Variants in LUZP2 observed in about 807,000 individuals in gnomAD.
LUZP2 encodes the protein leucine zipper protein 2.
Under a neutral mutation model 51.6 loss-of-function variants are expected in LUZP2, and 52 were observed. That is an observed-to-expected ratio of 1.01 (90% CI 0.81 to 1.27). The LOEUF is 1.27. LUZP2 is among the 50% of genes most tolerant of loss of function. LUZP2 has a pLI of 0.00. For synonymous variants in LUZP2, 154 were observed against 137.3 expected, an observed-to-expected ratio of 1.12 and a Z score of -0.85; for missense variants, 436 against 395.4, an observed-to-expected ratio of 1.10 and a Z score of -0.87.
intron 1 of LUZP2, among the ~76,000 whole-genome samples, chr11:24,638,309 C>T (rs1855170852): frequency 6.6e-6 from 1 of 150,894 alleles, no homozygotes; most frequent in African/African-American, 2.5e-5. Flanking sequence ...AATTAATTTC[C>T]CCAAATAGAA....
intron 7 of LUZP2, among the ~76,000 whole-genome samples, chr11:24,917,993 T>C (rs1853854687): frequency 6.6e-6 from 1 of 152,134 alleles, no homozygotes; most frequent in African/African-American, 2.4e-5. Context: ...CATTTGTTTG[T>C]GTCCTCTTTT....
Position 24,692,780 on chromosome 11 carries a change from CT to C in LUZP2, c.63-36388del, listed in dbSNP as rs138877098. On this transcript the variant is annotated intron_variant, in intron 1 of 11. Transcript: ENST00000336930. The stretch of plus-strand genomic sequence containing the variant: ...TTGACACAAATTAAACTAAGTGTTA[CT>C]CTTAATTCCTAATTTAGGAGAATAT... Among the ~76,000 whole-genome samples, 343 of 152,062 alleles carry C rather than the reference CT, an allele frequency of 2.3e-3. 10 individuals carry two copies. In the East Asian group the frequency reaches 0.053, roughly 24 times the overall value.
rs1483065779 is a variant in LUZP2 at position 24,883,154 on chromosome 11, G to T, written c.397-22837G>T. Among the ~76,000 whole-genome samples the T allele has an allele frequency of 2.6e-5, 4 of 151,764 alleles. No individual in the cohort carries two copies. The South Asian group carries it at 6.2e-4, about 24-fold the overall frequency. The stretch of plus-strand genomic sequence containing the variant: ...GATTTCCCATGGATTTAACAATGAG[G>T]TCATTATTCAAAGTTAGCAAACGTT... On this transcript the variant is annotated intron_variant, in intron 5 of 11. Transcript: ENST00000336930.
At chr11:24,620,121 A>G (rs185501844) in intron 1 of LUZP2, among the ~76,000 whole-genome samples, 10 of 152,302 alleles carry the variant, frequency 6.6e-5, no homozygotes, top group Admixed American at 5.9e-4. Flanking sequence ...TTAGTCAGTG[A>G]GTCTAAAGCC....
chr11:24,861,004 C>A (rs755711300), intron 5 of LUZP2, among the ~76,000 whole-genome samples: 1 of 152,126 alleles, frequency 6.6e-6, no homozygotes, highest in Admixed American at 6.6e-5. Context: ...TAACAAAGAA[C>A]TATGCTGAGC....
intron 5 of LUZP2, among the ~76,000 whole-genome samples, chr11:24,808,760 T>A (rs1362822890): frequency 6.6e-6 from 1 of 152,148 alleles, no homozygotes; most frequent in East Asian, 1.9e-4. Context: ...TGGAGTCACA[T>A]GTAACAAATC....
chr11:25,062,558 C>G (rs1244862014), intron 10 of LUZP2, among the ~76,000 whole-genome samples: 16 of 129,100 alleles, frequency 1.2e-4, no homozygotes, highest in Admixed American at 8.5e-4. Flanking sequence ...CCAGTGCACT[C>G]CAGCCTATGT....
chr11:24,687,146 T>G (rs758253383), intron 1 of LUZP2, among the ~76,000 whole-genome samples: 5 of 152,202 alleles, frequency 3.3e-5, no homozygotes, highest in Admixed American at 2.0e-4. Flanking sequence ...CTGTTCTTAC[T>G]GTAGTTTTAG....
At chr11:24,875,252 C>T (rs1009048388) in intron 5 of LUZP2, among the ~76,000 whole-genome samples, 7 of 144,260 alleles carry the variant, frequency 4.9e-5, no homozygotes, top group African/African-American at 1.5e-4. Context: ...TCCTTCCCCC[C>T]TCCCCTCACC....
At chr11:25,018,043 T>TTTTTTTTGTTTTG (rs140118006) in intron 9 of LUZP2, among the ~76,000 whole-genome samples, 339 of 30,478 alleles carry the variant, frequency 0.011, 1 homozygote, top group Middle Eastern at 0.058. Flanking sequence ...TTCTGTTTTT[T>TTTTTTTTGTTTTG]TTTTGTTTTT....
At chr11:24,812,990 A>G (rs1271493769) in intron 5 of LUZP2, among the ~76,000 whole-genome samples, 5 of 152,180 alleles carry the variant, frequency 3.3e-5, no homozygotes, top group African/African-American at 9.7e-5. Context: ...TGCCATATGC[A>G]TAGGGGTCAC....
chr11:24,810,863 C>A (rs972050829), intron 5 of LUZP2, among the ~76,000 whole-genome samples: 4 of 152,108 alleles, frequency 2.6e-5, no homozygotes, highest in Non-Finnish European at 2.9e-5. Context: ...ACCGTGTATG[C>A]TCAGTGTCAC....
At chr11:24,967,512 A>T (rs950370015) in intron 7 of LUZP2, among the ~76,000 whole-genome samples, 1 of 151,504 alleles carries the variant, frequency 6.6e-6, no homozygotes, top group African/African-American at 2.4e-5. Context: ...TCCAGTGTAC[A>T]TATGTTGAAG....
chr11:24,715,658 T>TC (rs1858015497), intron 1 of LUZP2, among the ~76,000 whole-genome samples: 1 of 152,190 alleles, frequency 6.6e-6, no homozygotes, highest in African/African-American at 2.4e-5. Context: ...TCCATGAAAT[T>TC]TTCTGTGACT....
chr11:24,705,268 AAAG>A (rs1325633908), intron 1 of LUZP2, among the ~76,000 whole-genome samples: 2 of 152,204 alleles, frequency 1.3e-5, no homozygotes, highest in Non-Finnish European at 1.5e-5. Flanking sequence ...AGAGAAGTGA[AAAG>A]AGAAAAATAG....
chr11:24,786,039 T>C (rs1849236462), intron 5 of LUZP2: 1 of 985,312 alleles, frequency 1.0e-6, no homozygotes, highest in South Asian at 4.7e-5. Flanking sequence ...TACATCAATG[T>C]ATTAACTCAT....
rs550967798 is a variant in LUZP2 at position 24,709,192 on chromosome 11, G to C, written c.63-19977G>C. Reference sequence around the variant, plus strand: ...TGGATTTATCACAGGACTTGAAGCTGAGAAATTATATATGCGGCATTTTCA... The same window carrying C: ...TGGATTTATCACAGGACTTGAAGCTCAGAAATTATATATGCGGCATTTTCA... On this transcript the variant is annotated intron_variant, in intron 1 of 11. Transcript: ENST00000336930. Among the ~76,000 whole-genome samples the C allele has an allele frequency of 5.3e-5, 8 of 152,248 alleles. No homozygotes were observed. The South Asian group carries it at 1.0e-3, about 20-fold the overall frequency.
At chr11:24,839,356 G>A (rs563570623) in intron 5 of LUZP2, among the ~76,000 whole-genome samples, 2 of 151,580 alleles carry the variant, frequency 1.3e-5, no homozygotes, top group South Asian at 2.1e-4. Flanking sequence ...GTTAAATCTT[G>A]TTGTTCTATT....
rs535820949 is a variant in LUZP2 at position 24,803,679 on chromosome 11, G to A, written c.396+40371G>A. 5.3e-5 allele frequency among the ~76,000 whole-genome samples: 8 copies of A among 152,134 alleles called. No homozygotes were observed. The South Asian group carries it at 1.0e-3, about 20-fold the overall frequency. The stretch of plus-strand genomic sequence containing the variant: ...GAAAAGAAATTCTGACATATGCCAC[G>A]ACATGATGAACTTTGAGAACATTAT... On this transcript the variant is annotated intron_variant, in intron 5 of 11. Transcript: ENST00000336930.
Sources: allele counts gnomAD v4.1 joint callset (sites outside exome capture counted in the v4.1 genomes callset), GRCh38; gene constraint gnomAD v4.1.1; transcripts MANE v1.5; gene names NCBI Gene and HGNC (gene_info 2026-07-23, HGNC 2026-07-21).